The following PKIB variants were observed in gnomAD, a reference collection of about 807,000 sequenced individuals.
The protein encoded by PKIB is PKI-beta.
A neutral mutation model predicts 4.5 loss-of-function variants in PKIB; 2 were observed. The observed-to-expected ratio is 0.44, with a 90% confidence interval of 0.18 to 1.39. PKIB has a LOEUF of 1.39. Ranked by LOEUF, PKIB falls within the 40% of genes most tolerant of loss-of-function variation. PKIB has a pLI of 0.27. For missense variants in PKIB, 94 were observed against 92.6 expected, an observed-to-expected ratio of 1.02 and a Z score of -0.06; for synonymous variants, 38 against 36.0, an observed-to-expected ratio of 1.06 and a Z score of -0.20.
intron 2 of PKIB, among the ~76,000 whole-genome samples, chr6:122,551,323 C>T (rs1196496622): frequency 1.3e-5 from 2 of 152,030 alleles, no homozygotes; most frequent in Admixed American, 6.6e-5. Context: ...TTTGTCTTTG[C>T]ACTTTAATTA....
intron 2 of PKIB, among the ~76,000 whole-genome samples, chr6:122,567,132 T>C (rs556019919): frequency 1.4e-3 from 215 of 152,356 alleles, no homozygotes; most frequent in African/African-American, 5.0e-3. Context: ...GACTATACCA[T>C]TCTAGTCTAC....
chr6:122,499,895 A>G lies in PKIB; in HGVS notation c.-248+21956A>G, dbSNP rs76417538. ...GATACAAAATTTATGTACAAAAATCAGTAGCAATAACATTTAAGTGGAGAT... is the reference window on the plus strand; with the variant it reads ...GATACAAAATTTATGTACAAAAATCGGTAGCAATAACATTTAAGTGGAGAT... On this transcript the variant is annotated intron_variant, in intron 2 of 6. Coordinates refer to the PKIB transcript ENST00000392491. 7.2e-5 allele frequency among the ~76,000 whole-genome samples: 11 copies of G among 152,330 alleles called. No homozygotes were observed. The East Asian group carries it at 1.7e-3, about 24-fold the overall frequency.
intron 1 of PKIB, among the ~76,000 whole-genome samples, chr6:122,472,860 C>T (rs1245865918): frequency 1.3e-5 from 2 of 152,190 alleles, no homozygotes; most frequent in Non-Finnish European, 2.9e-5. Context: ...TGCTTGTAAT[C>T]CCAGAACTTT....
Position 122,537,703 on chromosome 6 carries a change from T to C in PKIB, c.-247-48218T>C, listed in dbSNP as rs942669242. Reference sequence around the variant, plus strand: ...CTTTGGGTATATACCCGTAAGGGGATGGCTGGGTCAAAGGGTATTTCTAGT... The same window carrying C: ...CTTTGGGTATATACCCGTAAGGGGACGGCTGGGTCAAAGGGTATTTCTAGT... On this transcript the variant is annotated intron_variant, in intron 2 of 6. Coordinates refer to the PKIB transcript ENST00000392491. 4.0e-4 allele frequency among the ~76,000 whole-genome samples: 61 copies of C among 152,036 alleles called. 1 individual carries two copies. Among genetic ancestry groups the C allele is most frequent in the African/African-American group, 1.3e-3 (53 of 41,290 alleles).
intron 3 of PKIB, among the ~76,000 whole-genome samples, chr6:122,688,131 G>A (rs1778164821): frequency 6.6e-6 from 1 of 151,956 alleles, no homozygotes; most frequent in African/African-American, 2.4e-5. Flanking sequence ...TGTTTCTTTT[G>A]TATCTGTTTT....
chr6:122,559,218 G>C (rs1772944899), intron 2 of PKIB, among the ~76,000 whole-genome samples: 2 of 151,714 alleles, frequency 1.3e-5, no homozygotes, highest in Admixed American at 6.6e-5. Context: ...GACATGAATA[G>C]ACAATTCTCA....
chr6:122,703,487 T>C (rs952733772), intron 3 of PKIB, among the ~76,000 whole-genome samples: 1 of 152,064 alleles, frequency 6.6e-6, no homozygotes, highest in Admixed American at 6.6e-5. Context: ...ATTTTTACTA[T>C]GAGAAAACAT....
At chr6:122,662,218 T>C (rs1777017423) in intron 2 of PKIB, among the ~76,000 whole-genome samples, 2 of 151,658 alleles carry the variant, frequency 1.3e-5, no homozygotes, top group Admixed American at 6.6e-5. Flanking sequence ...TTTATCAATT[T>C]TTTTTGTCAC....
At chr6:122,673,332 G>A (rs1189018773) in intron 2 of PKIB, among the ~76,000 whole-genome samples, 1 of 152,008 alleles carries the variant, frequency 6.6e-6, no homozygotes, top group Non-Finnish European at 1.5e-5. Context: ...CATCCAAATG[G>A]TTGAAAATAT....
chr6:122,619,653 C>T (rs949877118), intron 1 of PKIB, among the ~76,000 whole-genome samples: 8 of 152,106 alleles, frequency 5.3e-5, no homozygotes, highest in Non-Finnish European at 8.8e-5. Flanking sequence ...ATTTCTATAA[C>T]CCTTGTCATA....
At chr6:122,549,989 A>T (rs76533835) in intron 2 of PKIB, among the ~76,000 whole-genome samples, 9,154 of 151,726 alleles carry the variant, frequency 0.06, 986 homozygotes, top group East Asian at 0.29. Context: ...ATCTCAGCTC[A>T]CTGCAACCTC....
chr6:122,716,474 A>G (rs1396418913), intron 3 of PKIB, among the ~76,000 whole-genome samples: 1 of 152,200 alleles, frequency 6.6e-6, no homozygotes, highest in Non-Finnish European at 1.5e-5. Context: ...GTATCTCAAA[A>G]CATAGCTCTG....
At chr6:122,693,981 G>A (rs1307487593) in intron 3 of PKIB, among the ~76,000 whole-genome samples, 1 of 152,144 alleles carries the variant, frequency 6.6e-6, no homozygotes, top group Non-Finnish European at 1.5e-5. Context: ...TTACTACAAG[G>A]CAATTTTAAA....
intron 3 of PKIB, among the ~76,000 whole-genome samples, chr6:122,599,568 A>C (rs552287410): frequency 5.3e-5 from 8 of 152,306 alleles, no homozygotes; most frequent in Non-Finnish European, 8.8e-5. Flanking sequence ...TTTTGAAGCC[A>C]GGAGACAGAA....
chr6:122,559,224 T>C (rs901563764), intron 2 of PKIB, among the ~76,000 whole-genome samples: 2 of 151,796 alleles, frequency 1.3e-5, no homozygotes, highest in African/African-American at 4.8e-5. Context: ...AATAGACAAT[T>C]CTCAAAAGAA....
At chr6:122,663,637 A>G (rs549820546) in intron 2 of PKIB, among the ~76,000 whole-genome samples, 4 of 151,762 alleles carry the variant, frequency 2.6e-5, no homozygotes, top group South Asian at 4.2e-4. Context: ...TGTCCCTCCT[A>G]TTTCTTCACA....
At chr6:122,591,384 A>G in intron 3 of PKIB, among the ~76,000 whole-genome samples, 1 of 152,120 alleles carries the variant, frequency 6.6e-6, no homozygotes, top group South Asian at 2.1e-4. Context: ...ATATCTATTC[A>G]CCATTCTTTG....
chr6:122,517,416 A>G (rs911796108), intron 2 of PKIB, among the ~76,000 whole-genome samples: 2 of 152,198 alleles, frequency 1.3e-5, no homozygotes, highest in East Asian at 1.9e-4. Context: ...GCACTAAACG[A>G]TAGGGATTTT....
chr6:122,696,009 T>C (rs1218962320), intron 3 of PKIB, among the ~76,000 whole-genome samples: 2 of 152,198 alleles, frequency 1.3e-5, no homozygotes, highest in Non-Finnish European at 2.9e-5. Context: ...TGATAACATT[T>C]TTAGTTATCA....
Sources: allele counts gnomAD v4.1 joint callset (sites outside exome capture counted in the v4.1 genomes callset), GRCh38; gene constraint gnomAD v4.1.1; transcripts MANE v1.5; gene names NCBI Gene and HGNC (gene_info 2026-07-23, HGNC 2026-07-21).